The following ZNF277 variants were observed in gnomAD, a reference collection of about 807,000 sequenced individuals.
ZNF277 encodes the protein nuclear receptor-interacting factor 4.
Under a neutral mutation model 60.7 loss-of-function variants are expected in ZNF277, and 55 were observed. The observed-to-expected ratio is 0.91, with a 90% confidence interval of 0.73 to 1.13. The LOEUF (loss-of-function observed/expected upper bound fraction) is 1.13. ZNF277 is among the 50% of genes most tolerant of loss of function. The pLI is 0.00. For synonymous variants in ZNF277, 178 were observed against 179.3 expected (o/e 0.99, Z 0.06); for missense variants, 510 against 523.0 (o/e 0.98, Z 0.24).
intron 1 of ZNF277, among the ~76,000 whole-genome samples, chr7:112,250,558 C>T (rs936108200): frequency 1.3e-5 from 2 of 152,260 alleles, no homozygotes; most frequent in Middle Eastern, 3.4e-3. Flanking sequence ...ATGTCTCCCC[C>T]GGATGCCCGG....
intron 2 of ZNF277, among the ~76,000 whole-genome samples, chr7:112,289,169 T>C (rs763472663): frequency 6.6e-6 from 1 of 152,204 alleles, no homozygotes; most frequent in African/African-American, 2.4e-5. Context: ...TTGTAAAATA[T>C]AGCTTTTGAG....
chr7:112,340,351 A>T (rs1793419665), intron 10 of ZNF277, among the ~76,000 whole-genome samples: 1 of 152,224 alleles, frequency 6.6e-6, no homozygotes, highest in East Asian at 1.9e-4. Context: ...CCAATGTATC[A>T]TTCTAAGTAT....
chr7:112,333,462 C>T (rs1466530465), intron 7 of ZNF277, among the ~76,000 whole-genome samples: 2 of 152,152 alleles, frequency 1.3e-5, no homozygotes, highest in African/African-American at 4.8e-5. Context: ...GGAAAGTCAG[C>T]GTTCGACCTC....
chr7:112,246,640 TG>T (rs1791091776), intron 1 of ZNF277, among the ~76,000 whole-genome samples: 1 of 152,070 alleles, frequency 6.6e-6, no homozygotes, highest in African/African-American at 2.4e-5. Context: ...GGAGGAAGCA[TG>T]GTGAGTTTGG....
chr7:112,245,368 T>C (rs1791060444), intron 1 of ZNF277, among the ~76,000 whole-genome samples: 1 of 152,230 alleles, frequency 6.6e-6, no homozygotes, highest in Non-Finnish European at 1.5e-5. Context: ...ACCATGGCTC[T>C]ATATTATTGT....
At position 112,343,763 on chromosome 7, in the gene ZNF277, G is replaced by A. The variant is rs1296000935; in HGVS notation, c.*1034G>A. Among the ~76,000 whole-genome samples the A allele has an allele frequency of 1.3e-5, 2 of 151,492 alleles. No homozygotes were observed. The highest frequency in any genetic ancestry group is 4.9e-5 in the African/African-American group (2 of 41,224). ...CAACGTGGCAAAACCCCATCTCTAC[G>A]AAAAATACACAGATTAGCCAGGCAT... On this transcript the variant is annotated 3_prime_UTR_variant, in exon 12 of 12. Transcript: ENST00000361822.
At chr7:112,253,119 G>A (rs185607633) in intron 1 of ZNF277, among the ~76,000 whole-genome samples, 11 of 152,290 alleles carry the variant, frequency 7.2e-5, no homozygotes, top group African/African-American at 2.6e-4. Flanking sequence ...AGAGGAGGTT[G>A]TAATGGAAAA....
chr7:112,247,534 G>T (rs902617992), intron 1 of ZNF277, among the ~76,000 whole-genome samples: 1 of 152,124 alleles, frequency 6.6e-6, no homozygotes, highest in African/African-American at 2.4e-5. Flanking sequence ...TTGGTGTGAG[G>T]CAAAGAAGAT....
Position 112,342,606 on chromosome 7 carries a change from A to G in ZNF277, c.1230A>G (p.Leu410=), listed in dbSNP as rs1793466242. Residue 410 remains leucine, a synonymous_variant, in exon 12 of 12, where the codon CTA becomes CTG. Transcript: ENST00000361822. ...AAAATGACACTCTCCTGTGTACACT[A>G]TCTGACAGTGAAAGTGACCTGACAG... The part of the protein sequence containing the change: ...TYENDTLLCT[L]SDSESDLTAQ... 6.2e-6 allele frequency: 10 copies of G among 1,613,196 alleles called. No individual in the cohort carries two copies. Among genetic ancestry groups the G allele is most frequent in the Middle Eastern group, 1.7e-4 (1 of 6,038 alleles).
rs529456312 is a variant in ZNF277 at position 112,261,680 on chromosome 7, A to G, written c.92-25193A>G. On this transcript the variant is annotated intron_variant, in intron 1 of 11. Transcript: ENST00000361822. ...TTTTAACCTTTATGATCCATTTAGG[A>G]GTGTATCTGTTTTTATGAATTTATT... Among the ~76,000 whole-genome samples the G allele has an allele frequency of 7.0e-4, 107 of 152,186 alleles. 1 individual carries two copies. The highest frequency in any genetic ancestry group is 1.3e-3 in the Non-Finnish European group (88 of 67,980).
chr7:112,322,190 T>A (rs954444454), intron 5 of ZNF277, among the ~76,000 whole-genome samples: 1 of 152,170 alleles, frequency 6.6e-6, no homozygotes, highest in African/African-American at 2.4e-5. Context: ...ATGTTTAAGT[T>A]AATGTGTTTC....
At chr7:112,234,467 A>T (rs987090661) in intron 1 of ZNF277, among the ~76,000 whole-genome samples, 7 of 152,164 alleles carry the variant, frequency 4.6e-5, no homozygotes, top group Admixed American at 2.0e-4. Flanking sequence ...TGTCACATTC[A>T]TGAAAGCTCC....
At chr7:112,224,549 G>A (rs1014779988) in intron 1 of ZNF277, among the ~76,000 whole-genome samples, 2 of 152,208 alleles carry the variant, frequency 1.3e-5, no homozygotes, top group Non-Finnish European at 2.9e-5. Context: ...AGGGATAAGG[G>A]GGGATTCCTG....
chr7:112,333,491 C>A lies in ZNF277; in HGVS notation c.802-2613C>A, dbSNP rs75761188. Reference sequence around the variant, plus strand: ...CGACCTCTCCTATAGCAGATATATGCAGTCATTGAGTCATTCACACACAGA... The same window carrying A: ...CGACCTCTCCTATAGCAGATATATGAAGTCATTGAGTCATTCACACACAGA... On this transcript the variant is annotated intron_variant, in intron 7 of 11. Coordinates refer to ENST00000361822, the MANE Select transcript of ZNF277 (RefSeq NM_021994.3). Among the ~76,000 whole-genome samples, 82 of 152,262 alleles carry A rather than the reference C, an allele frequency of 5.4e-4. No individual in the cohort carries two copies. The East Asian group carries it at 0.014, about 27-fold the overall frequency.
intron 6 of ZNF277, 72 bp from the exon 7 acceptor site, chr7:112,330,008 AACTC>A (rs1254602011): frequency 2.0e-6 from 3 of 1,483,538 alleles, no homozygotes; most frequent in African/African-American, 1.4e-5. Flanking sequence ...ATAAATATGA[AACTC>A]AATAATAATA....
chr7:112,255,130 A>G (rs1366737295), intron 1 of ZNF277, among the ~76,000 whole-genome samples: 1 of 152,194 alleles, frequency 6.6e-6, no homozygotes, highest in Non-Finnish European at 1.5e-5. Context: ...ATGCTGACAA[A>G]TATTCACCTT....
At chr7:112,234,195 T>C (rs1822421035) in intron 1 of ZNF277, among the ~76,000 whole-genome samples, 3 of 152,186 alleles carry the variant, frequency 2.0e-5, no homozygotes, top group Admixed American at 2.0e-4. Flanking sequence ...AAAAGTAGAA[T>C]TTCTGGGTTA....
chr7:112,282,197 A>G (rs1791962615), intron 1 of ZNF277, among the ~76,000 whole-genome samples: 1 of 152,266 alleles, frequency 6.6e-6, no homozygotes. Context: ...TAATAGAGGT[A>G]TACACATAAA....
At chr7:112,333,224 G>C (rs1221010862) in intron 7 of ZNF277, among the ~76,000 whole-genome samples, 1 of 151,726 alleles carries the variant, frequency 6.6e-6, no homozygotes, top group Non-Finnish European at 1.5e-5. Flanking sequence ...CATGAGTGTG[G>C]GCAAAAGATA....
Sources: gnomAD v4.1 joint callset for allele counts (sites outside exome capture counted in the v4.1 genomes callset) on GRCh38, gnomAD v4.1.1 for gene constraint, MANE v1.5 for transcripts, NCBI Gene and HGNC (gene_info 2026-07-23, HGNC 2026-07-21) for gene names.